BARX2: variants seen among roughly 807,000 people sequenced by gnomAD.
BARX2 encodes the protein BARX homeobox 2.
A neutral mutation model predicts 25.5 loss-of-function variants in BARX2; 11 were observed. That is an observed-to-expected ratio of 0.43 (90% CI 0.27 to 0.71). BARX2 has a LOEUF of 0.71. BARX2 is among the 30% of genes least tolerant of loss of function. BARX2 has a pLI of 0.19. For synonymous variants in BARX2, 137 were observed against 149.5 expected (o/e 0.92, Z 0.61); for missense variants, 360 against 359.9 (o/e 1.00, Z 0.00).
At chr11:129,377,094 G>A (rs1861512242) in intron 1 of BARX2, among the ~76,000 whole-genome samples, 1 of 152,150 alleles carries the variant, frequency 6.6e-6, no homozygotes, top group Non-Finnish European at 1.5e-5. Context: ...AAAGAAGTAG[G>A]AGCACTTTTT....
intron 1 of BARX2, among the ~76,000 whole-genome samples, chr11:129,429,703 G>A (rs59722060): frequency 0.26 from 39,234 of 151,988 alleles, 5,093 homozygotes; most frequent in Middle Eastern, 0.34. Flanking sequence ...AGTAGAACAG[G>A]ACAAAATCTG....
intron 1 of BARX2, among the ~76,000 whole-genome samples, chr11:129,403,156 T>C (rs1769427582): frequency 6.6e-6 from 1 of 152,260 alleles, no homozygotes. Context: ...AAGTGGGTTT[T>C]TCCAGCCCCT....
intron 3 of BARX2, among the ~76,000 whole-genome samples, chr11:129,449,180 T>C (rs1862365578): frequency 6.6e-6 from 1 of 152,204 alleles, no homozygotes; most frequent in Non-Finnish European, 1.5e-5. Context: ...TAGTGCACTT[T>C]AAATGGATTT....
chr11:129,376,047 C>A lies in BARX2; in HGVS notation c.12C>A (p.His4Gln), dbSNP rs1463392719. Reference protein sequence around the residue: MHCHAELRLSSPGQ... With the variant: MHCQAELRLSSPGQ... The stretch of plus-strand genomic sequence containing the variant: ...CGCGCCGGCTCACCATGCACTGCCA[C>A]GCCGAGCTGAGGCTGAGCTCGCCCG... The change falls in exon 1 of 4, where the codon CAC becomes CAA. Residue 4 changes from histidine to glutamine, a missense_variant. Around this residue, in one of 3 missense-constraint regions of BARX2, gnomAD observed 240 missense variants for 228.7 expected, o/e 1.05. Coordinates refer to ENST00000281437, the MANE Select transcript of BARX2 (RefSeq NM_003658.5). The surrounding 1 kb of genome is among the most constrained non-coding windows in gnomAD (Gnocchi z 4.2). 5.0e-6 allele frequency: 8 copies of A among 1,589,770 alleles called. No individual in the cohort carries two copies. In the East Asian group the frequency reaches 1.7e-4, roughly 33 times the overall value.
intron 3 of BARX2, among the ~76,000 whole-genome samples, chr11:129,445,951 T>C (rs1413578303): frequency 6.6e-6 from 1 of 152,210 alleles, no homozygotes; most frequent in Admixed American, 6.5e-5. Context: ...TCAAGGCTAG[T>C]AACCTAATTG....
chr11:129,439,061 C>T (rs1352192258), intron 2 of BARX2, among the ~76,000 whole-genome samples: 1 of 152,010 alleles, frequency 6.6e-6, no homozygotes, highest in Admixed American at 6.5e-5. Flanking sequence ...GAAATGTGAA[C>T]TTGGTTGTTT....
At chr11:129,422,581 G>T (rs1862016622) in intron 1 of BARX2, among the ~76,000 whole-genome samples, 1 of 152,074 alleles carries the variant, frequency 6.6e-6, no homozygotes, top group African/African-American at 2.4e-5. Context: ...TTACAGGCGT[G>T]AGCCATCGTG....
chr11:129,450,839 C>T (rs865799688), intron 3 of BARX2, among the ~76,000 whole-genome samples: 1 of 152,026 alleles, frequency 6.6e-6, no homozygotes, highest in African/African-American at 2.4e-5. Context: ...ATAGTTATTG[C>T]ATTAACATTT....
intron 1 of BARX2, among the ~76,000 whole-genome samples, chr11:129,418,868 C>T (rs1300632441): frequency 2.0e-5 from 3 of 152,202 alleles, no homozygotes; most frequent in Admixed American, 6.5e-5. Context: ...GTAAGTTGTA[C>T]AGAAAGTCCT....
At chr11:129,416,691 A>G (rs1456051611) in intron 1 of BARX2, among the ~76,000 whole-genome samples, 2 of 152,006 alleles carry the variant, frequency 1.3e-5, no homozygotes, top group Admixed American at 1.3e-4. Context: ...TTTATATTTA[A>G]ATACTACCTT....
At position 129,377,255 on chromosome 11, in the gene BARX2, GGAAGA is replaced by G. The variant is rs369144900; in HGVS notation, c.187+1034_187+1038del. On this transcript the variant is annotated intron_variant, in intron 1 of 3. Coordinates refer to ENST00000281437, the MANE Select transcript of BARX2 (RefSeq NM_003658.5). ...GAAAAAATGAAGGGCCAACAGTTTT[GGAAGA>G]TATTTTTTGGAACATTTGAGTTGTT... Among the ~76,000 whole-genome samples, 41 of 152,274 alleles carry G rather than the reference GGAAGA, an allele frequency of 2.7e-4. 1 individual carries two copies. In the South Asian group the frequency reaches 8.3e-3, roughly 31 times the overall value.
At chr11:129,433,602 C>T (rs1292100114) in intron 1 of BARX2, among the ~76,000 whole-genome samples, 2 of 152,146 alleles carry the variant, frequency 1.3e-5, no homozygotes, top group African/African-American at 4.8e-5. Context: ...TCTTTCAACC[C>T]ATGCTCATTC....
intron 1 of BARX2, among the ~76,000 whole-genome samples, chr11:129,405,970 G>T (rs1861825373): frequency 6.6e-6 from 1 of 152,142 alleles, no homozygotes; most frequent in Admixed American, 6.5e-5. Flanking sequence ...TTAAGTGATT[G>T]TCTTGCTTTA....
At chr11:129,421,646 G>C (rs1407455693) in intron 1 of BARX2, among the ~76,000 whole-genome samples, 2 of 152,152 alleles carry the variant, frequency 1.3e-5, no homozygotes, top group South Asian at 2.1e-4. Flanking sequence ...GAAATCTTCC[G>C]ATCACTGACT....
chr11:129,428,774 A>G (rs1862095281), intron 1 of BARX2, among the ~76,000 whole-genome samples: 1 of 152,152 alleles, frequency 6.6e-6, no homozygotes, highest in South Asian at 2.1e-4. Flanking sequence ...ACAGTGCCTC[A>G]TTGCGATTCT....
chr11:129,446,789 A>G (rs1169066127), intron 3 of BARX2, among the ~76,000 whole-genome samples: 1 of 152,162 alleles, frequency 6.6e-6, no homozygotes, highest in Non-Finnish European at 1.5e-5. Flanking sequence ...TCAGGCTGAG[A>G]AAGTCAGCTA....
intron 1 of BARX2, among the ~76,000 whole-genome samples, chr11:129,409,006 T>C (rs951697701): frequency 3.3e-5 from 5 of 152,152 alleles, no homozygotes; most frequent in Non-Finnish European, 7.3e-5. Flanking sequence ...GGGAGTGATA[T>C]TCACCATCCA....
At chr11:129,387,955 C>T (rs1246572981) in intron 1 of BARX2, among the ~76,000 whole-genome samples, 2 of 152,088 alleles carry the variant, frequency 1.3e-5, no homozygotes, top group East Asian at 1.9e-4. Flanking sequence ...GAAATGGGAA[C>T]GGGGTCACAC....
rs1474903436 is a variant in BARX2, at chr11:129,451,702, A to G, written c.*300A>G. 2 of 395,722 alleles carry G rather than the reference A, an allele frequency of 5.1e-6. No homozygotes were observed. Among genetic ancestry groups the G allele is most frequent in the Non-Finnish European group, 9.3e-6 (2 of 215,532 alleles). The allele number at this position is 395,722 out of a possible 1,614,324, so 24.5% of individuals were successfully genotyped here. On this transcript the variant is annotated 3_prime_UTR_variant, in exon 4 of 4. Coordinates refer to ENST00000281437, the MANE Select transcript of BARX2 (RefSeq NM_003658.5). ...GGGTGACGGCTGTAGGGCTGGGTCTATGTTGCAAGCCCTATATCCTAGCAT... is the reference window on the plus strand; with the variant it reads ...GGGTGACGGCTGTAGGGCTGGGTCTGTGTTGCAAGCCCTATATCCTAGCAT...
Sources: gnomAD v4.1 joint callset for allele counts (sites outside exome capture counted in the v4.1 genomes callset) on GRCh38, gnomAD v4.1.1 for gene constraint, gnomAD v4.1.1 regional missense constraint, Gnocchi (gnomAD v3.1) non-coding constraint, MANE v1.5 for transcripts, NCBI Gene and HGNC (gene_info 2026-07-23, HGNC 2026-07-21) for gene names.